Variants in IGF2BP2 observed in about 807,000 individuals in gnomAD.
The protein encoded by IGF2BP2 is insulin-like growth factor 2 mRNA-binding protein 2.
IGF2BP2 carries 17 observed loss-of-function variants against 75.8 expected under a neutral mutation model. The ratio of observed to expected loss-of-function variants is 0.22; its 90% CI spans 0.15 to 0.34. The LOEUF is 0.34. IGF2BP2 is among the 10% of genes least tolerant of loss of function. The pLI is 1.00. For synonymous variants in IGF2BP2, 288 were observed against 295.6 expected, an observed-to-expected ratio of 0.97 and a Z score of 0.26; for missense variants, 516 against 772.4, an observed-to-expected ratio of 0.67 and a Z score of 3.93.
chr3:185,755,915 G>A (rs907434986), intron 2 of IGF2BP2, among the ~76,000 whole-genome samples: 10 of 152,214 alleles, frequency 6.6e-5, no homozygotes, highest in South Asian at 2.1e-4. Context: ...TAGAACAAGC[G>A]TTTTGGAGAC....
At chr3:185,662,941 G>C (rs1464930124) in intron 10 of IGF2BP2, among the ~76,000 whole-genome samples, 4 of 152,074 alleles carry the variant, frequency 2.6e-5, no homozygotes. Context: ...CGGCCTCCCA[G>C]AGTGCTGGGA....
intron 2 of IGF2BP2, among the ~76,000 whole-genome samples, chr3:185,731,607 C>T (rs1330504190): frequency 1.3e-5 from 2 of 152,144 alleles, no homozygotes. Flanking sequence ...ATGAATTTTA[C>T]AGACTTCTCG....
At chr3:185,823,040 AAAC>A in intron 2 of IGF2BP2, 110 bp downstream of exon 2, 2 of 645,650 alleles carry the variant, frequency 3.1e-6, no homozygotes, top group East Asian at 3.0e-5. Context: ...CTAACAAAAC[AAAC>A]AAAAGCCCCT....
In IGF2BP2 at chr3:185,694,614, G is replaced by C. The variant is rs547575407; in HGVS notation, c.341-1852C>G. ...AGTTCTATCCTGTTGTTGTTAGGCA[G>C]CTGGAAACTGGGGGGTCTCCAGCAC... On this transcript the variant is annotated intron_variant, in intron 4 of 15. Coordinates refer to ENST00000382199, the MANE Select transcript of IGF2BP2 (RefSeq NM_006548.6). Among the ~76,000 whole-genome samples the C allele has an allele frequency of 5.3e-5, 8 of 152,314 alleles. No individual in the cohort carries two copies. In the East Asian group the frequency reaches 1.5e-3, roughly 29 times the overall value.
Position 185,675,371 on chromosome 3 carries a change from C to G in IGF2BP2, c.996G>C (p.Glu332Asp). ...ERTITVKGTV[E>D]ACASAEIEIM... ...TCTCTATCTCAGCACTGGCACAGGC[C>G]TCAACTGTGCCCTTCACAGTGATGG... is the stretch of plus-strand genomic sequence containing the variant. Residue 332 changes from glutamate to aspartate, a missense_variant, in exon 9 of 16, where the codon GAG becomes GAC. By Grantham distance (45) the Glu-to-Asp change is conservative (BLOSUM62 2). Around this residue, in one of 3 missense-constraint regions of IGF2BP2, gnomAD observed 312 missense variants for 474.5 expected, o/e 0.66. Coordinates refer to ENST00000382199, the MANE Select transcript of IGF2BP2 (RefSeq NM_006548.6). 6.2e-7 allele frequency: 1 copy of G among 1,612,212 alleles called. No homozygotes were observed. The highest frequency in any genetic ancestry group is 8.5e-7 in the Non-Finnish European group (1 of 1,179,076).
chr3:185,658,312 A>AG, intron 11 of IGF2BP2, 29 bp downstream of exon 11: 1 of 1,603,696 alleles, frequency 6.2e-7, no homozygotes, highest in Admixed American at 1.7e-5. Flanking sequence ...GAGAAGTGGC[A>AG]GGTGCGGCTG....
At chr3:185,660,245 C>T (rs906655883) in intron 10 of IGF2BP2, among the ~76,000 whole-genome samples, 13 of 152,278 alleles carry the variant, frequency 8.5e-5, no homozygotes, top group Non-Finnish European at 1.8e-4. Flanking sequence ...ACAGGCCCAC[C>T]CTGCAAGATA....
rs559236082 is a variant in IGF2BP2, at chr3:185,796,822, A to G, written c.239+26331T>C. Among the ~76,000 whole-genome samples, 44 of 152,334 alleles carry G rather than the reference A, an allele frequency of 2.9e-4. 1 individual carries two copies. The highest frequency in any genetic ancestry group is 7.3e-5 in the Non-Finnish European group (5 of 68,032). ...ACTATCAATGCACACTGGGCTCAGT[A>G]TCAACAGGGCATACCTGCCAAGAAA... On this transcript the variant is annotated intron_variant, in intron 2 of 15. Coordinates refer to ENST00000382199, the MANE Select transcript of IGF2BP2 (RefSeq NM_006548.6).
chr3:185,742,349 AGCCAGGCATG>A (rs760015321), intron 2 of IGF2BP2, among the ~76,000 whole-genome samples: 2 of 152,104 alleles, frequency 1.3e-5, no homozygotes, highest in African/African-American at 2.4e-5. Context: ...CAAAAAAATT[AGCCAGGCATG>A]GTGCCGGGTG....
chr3:185,665,627 A>AGGG (rs1717439014), intron 10 of IGF2BP2, among the ~76,000 whole-genome samples: 1 of 151,940 alleles, frequency 6.6e-6, no homozygotes, highest in Non-Finnish European at 1.5e-5. Flanking sequence ...GAGGAGGAGG[A>AGGG]TATCTACAAA....
intron 7 of IGF2BP2, among the ~76,000 whole-genome samples, chr3:185,677,068 T>TATATATAGAGAGAG: frequency 3.6e-4 from 13 of 35,854 alleles, no homozygotes; most frequent in African/African-American, 1.6e-3. Flanking sequence ...TATATATATA[T>TATATATAGAGAGAG]AGAGAGAGAG....
intron 2 of IGF2BP2, among the ~76,000 whole-genome samples, chr3:185,725,639 T>C (rs964771257): frequency 5.9e-5 from 9 of 152,130 alleles, no homozygotes; most frequent in African/African-American, 2.2e-4. Flanking sequence ...ATTTGCATGA[T>C]GTCAGTATAA....
chr3:185,676,795 T>C (rs1008930749), intron 7 of IGF2BP2, among the ~76,000 whole-genome samples: 31 of 145,322 alleles, frequency 2.1e-4, no homozygotes, highest in Admixed American at 1.1e-3. Context: ...ACTGGAAATA[T>C]ATATATATTT....
intron 2 of IGF2BP2, among the ~76,000 whole-genome samples, chr3:185,731,559 A>C (rs1728180585): frequency 6.6e-6 from 1 of 152,102 alleles, no homozygotes; most frequent in Non-Finnish European, 1.5e-5. Context: ...GGTCTGCATC[A>C]CTTTCTAGGT....
At position 185,790,410 on chromosome 3, in the gene IGF2BP2, A is replaced by T. The variant is rs547719953; in HGVS notation, c.239+32743T>A. ...GAAGTGACTGGGCTTCAGGATATAC[A>T]TAACAAAGAGCTTTAAGGGAACCAC... On this transcript the variant is annotated intron_variant, in intron 2 of 15. Coordinates refer to ENST00000382199, the MANE Select transcript of IGF2BP2 (RefSeq NM_006548.6). Among the ~76,000 whole-genome samples, 20 of 152,340 alleles carry T rather than the reference A, an allele frequency of 1.3e-4. No homozygotes were observed. In the South Asian group the frequency reaches 3.5e-3, roughly 27 times the overall value.
intron 2 of IGF2BP2, among the ~76,000 whole-genome samples, chr3:185,748,327 C>A (rs1730536414): frequency 6.6e-6 from 1 of 152,174 alleles, no homozygotes; most frequent in African/African-American, 2.4e-5. Context: ...CCTGCCTGTA[C>A]TCAGTGTGTC....
chr3:185,823,917 C>G (rs1481293691), intron 1 of IGF2BP2, among the ~76,000 whole-genome samples: 1 of 151,818 alleles, frequency 6.6e-6, no homozygotes, highest in Non-Finnish European at 1.5e-5. Flanking sequence ...AGCGCGCTCG[C>G]GGGCCCCCCG....
intron 3 of IGF2BP2, among the ~76,000 whole-genome samples, chr3:185,697,336 C>A (rs189233503): frequency 1.3e-5 from 2 of 152,012 alleles, no homozygotes; most frequent in Non-Finnish European, 2.9e-5. Context: ...AAACTCCTGA[C>A]CTCAAGTGAT....
At position 185,649,638 on chromosome 3, in the gene IGF2BP2, A is replaced by G. The variant is rs1184171834; in HGVS notation, c.1462-104T>C. ...AGAGTCCAGACAATGGGTCAGTCCCATTCCCACACTCCCTGGGACACACAG... is the reference window on the plus strand; with the variant it reads ...AGAGTCCAGACAATGGGTCAGTCCCGTTCCCACACTCCCTGGGACACACAG... On this transcript the variant is annotated intron_variant, in intron 13 of 15. Transcript: ENST00000382199. 11 of 1,463,238 alleles carry G rather than the reference A, an allele frequency of 7.5e-6. No homozygotes were observed. In the East Asian group the frequency reaches 2.5e-4, roughly 34 times the overall value. The allele number at this position is 1,463,238 out of a possible 1,614,324, so 90.6% of individuals were successfully genotyped here.
Sources: allele counts gnomAD v4.1 joint callset (sites outside exome capture counted in the v4.1 genomes callset), GRCh38; gene constraint gnomAD v4.1.1; regional missense constraint gnomAD v4.1.1; transcripts MANE v1.5; gene names NCBI Gene and HGNC (gene_info 2026-07-23, HGNC 2026-07-21).